Variants in WFDC10B observed in about 807,000 individuals in gnomAD.
WFDC10B encodes WAP four-disulfide core domain 10B.
In WFDC10B, 1 loss-of-function variant was observed where a neutral mutation model predicts 2.7. That is an observed-to-expected ratio of 0.38 (90% CI 0.13 to 1.79). The LOEUF (loss-of-function observed/expected upper bound fraction) is 1.79. WFDC10B is among the 40% of genes most tolerant of loss of function. The pLI is 0.33. For synonymous variants in WFDC10B, 26 were observed against 32.2 expected, an observed-to-expected ratio of 0.81 and a Z score of 0.65; for missense variants, 71 against 87.8, an observed-to-expected ratio of 0.81 and a Z score of 0.76.
intron 2 of WFDC10B, among the ~76,000 whole-genome samples, chr20:45,704,095 GAACATACA>G (rs1363056909): frequency 1.3e-5 from 2 of 152,154 alleles, no homozygotes; most frequent in East Asian, 3.8e-4. Flanking sequence ...AGTGCAGAAC[GAACATACA>G]AACCTCTTTC....
intron 2 of WFDC10B, among the ~76,000 whole-genome samples, chr20:45,686,399 T>C (rs554746776): frequency 6.6e-6 from 1 of 152,384 alleles, no homozygotes; most frequent in African/African-American, 2.4e-5. Flanking sequence ...TTAGTTCCTC[T>C]GTATATTTAA....
intron 2 of WFDC10B, among the ~76,000 whole-genome samples, chr20:45,691,281 G>C (rs1312469490): frequency 6.6e-6 from 1 of 152,162 alleles, no homozygotes; most frequent in Non-Finnish European, 1.5e-5. Context: ...TGGAATAGGT[G>C]TGTTGTGGTG....
chr20:45,688,435 C>T (rs914465507), intron 2 of WFDC10B, among the ~76,000 whole-genome samples: 7 of 151,802 alleles, frequency 4.6e-5, no homozygotes, highest in Non-Finnish European at 1.5e-5. Context: ...TTCTAGATCC[C>T]TGAGGAATCG....
chr20:45,703,304 G>A (rs557845977), intron 2 of WFDC10B, among the ~76,000 whole-genome samples: 1 of 152,130 alleles, frequency 6.6e-6, no homozygotes, highest in African/African-American at 2.4e-5. Flanking sequence ...GAGAGGCCAG[G>A]GGTGAGTACT....
chr20:45,689,466 G>T (rs1400220099), intron 2 of WFDC10B, among the ~76,000 whole-genome samples: 1 of 151,924 alleles, frequency 6.6e-6, no homozygotes, highest in African/African-American at 2.4e-5. Flanking sequence ...ATTCTTCCTA[G>T]CCATGAGCAT....
chr20:45,704,692 T>G, intron 1 of WFDC10B, 131 bp from the exon 2 acceptor site: 1 of 1,512,776 alleles, frequency 6.6e-7, no homozygotes, highest in Non-Finnish European at 8.8e-7. Flanking sequence ...CTCTCCTTTT[T>G]TTTTTTTTTC....
chr20:45,685,164 C>T (rs1254597337), intron 3 of WFDC10B, among the ~76,000 whole-genome samples: 3 of 152,120 alleles, frequency 2.0e-5, no homozygotes, highest in Admixed American at 6.5e-5. Context: ...CTGCATCTCA[C>T]CCCAGTAGAC....
chr20:45,696,603 T>C, intron 2 of WFDC10B, among the ~76,000 whole-genome samples: 1 of 147,752 alleles, frequency 6.8e-6, no homozygotes, highest in South Asian at 2.1e-4. Flanking sequence ...AAAAAAATTA[T>C]AAGAGAATAC....
intron 2 of WFDC10B, 23 bp from the exon 3 acceptor site, chr20:45,686,079 A>G: frequency 1.9e-6 from 3 of 1,540,182 alleles, no homozygotes; most frequent in Non-Finnish European, 2.6e-6. Flanking sequence ...AAGGAAATAA[A>G]GAAGGAATGA....
Position 45,698,695 on chromosome 20 carries a change from G to A in WFDC10B, c.-65+5802C>T, listed in dbSNP as rs554535507. 2.6e-5 allele frequency among the ~76,000 whole-genome samples: 4 copies of A among 152,126 alleles called. No individual in the cohort carries two copies. The South Asian group carries it at 8.3e-4, about 32-fold the overall frequency. On this transcript the variant is annotated intron_variant, in intron 2 of 3. Coordinates refer to ENST00000330523, the MANE Select transcript of WFDC10B (RefSeq NM_172006.2). ...AATATGCTCAATATCGGCTGGGCAC[G>A]GTGGCTCATGCCTGTAATCCCAGCA...
chr20:45,691,305 T>TA (rs1186814607), intron 2 of WFDC10B, among the ~76,000 whole-genome samples: 7 of 152,176 alleles, frequency 4.6e-5, no homozygotes, highest in Admixed American at 4.6e-4. Context: ...AAAAAAAATG[T>TA]ATATTCTGTT....
At chr20:45,693,547 C>G (rs948165710) in intron 2 of WFDC10B, among the ~76,000 whole-genome samples, 2 of 152,154 alleles carry the variant, frequency 1.3e-5, no homozygotes, top group Admixed American at 6.5e-5. Flanking sequence ...CGCCCCTCCC[C>G]CAGCCTTGCT....
chr20:45,702,097 A>G, intron 2 of WFDC10B: 1 of 1,607,064 alleles, frequency 6.2e-7, no homozygotes, highest in South Asian at 1.1e-5. Context: ...CCTTGGCCAG[A>G]ACTTACTCAC....
At chr20:45,693,496 C>T (rs746720164) in intron 2 of WFDC10B, among the ~76,000 whole-genome samples, 4 of 152,212 alleles carry the variant, frequency 2.6e-5, no homozygotes, top group South Asian at 4.1e-4. Context: ...TGGAGCTTCC[C>T]GGCTGCTTTG....
intron 2 of WFDC10B, among the ~76,000 whole-genome samples, chr20:45,700,135 A>G (rs1984106903): frequency 6.6e-6 from 1 of 152,236 alleles, no homozygotes. Context: ...GAGACTGGCT[A>G]TATGACTAAG....
Position 45,699,716 on chromosome 20 carries a change from T to A in WFDC10B, c.-65+4781A>T, listed in dbSNP as rs1325104062. Among the ~76,000 whole-genome samples, 5 of 152,360 alleles carry A rather than the reference T, an allele frequency of 3.3e-5. 1 individual carries two copies. Among genetic ancestry groups the A allele is most frequent in the East Asian group, 3.9e-4 (2 of 5,190 alleles). The stretch of plus-strand genomic sequence containing the variant: ...TCTTTTGAGACAAAGTCTAGCTCTG[T>A]CACCCAGGCTGGAGTGCAGTGGCTT... On this transcript the variant is annotated intron_variant, in intron 2 of 3. Coordinates refer to ENST00000330523, the MANE Select transcript of WFDC10B (RefSeq NM_172006.2).
At position 45,684,817 on chromosome 20, in the gene WFDC10B, C is replaced by T. The variant is rs778492957; in HGVS notation, c.*13G>A. The T allele has an allele frequency of 5.0e-6, 8 of 1,612,866 alleles. No homozygotes were observed. Among genetic ancestry groups the T allele is most frequent in the Non-Finnish European group, 5.1e-6 (6 of 1,179,378 alleles). On this transcript the variant is annotated 3_prime_UTR_variant, in exon 4 of 4. Coordinates refer to ENST00000330523, the MANE Select transcript of WFDC10B (RefSeq NM_172006.2). ...TCAGGGAGCAGGATGCACATCCCAG[C>T]CCACTCTCCCACTCATAGGATGCTC...
Position 45,684,748 on chromosome 20 carries a change from T to A in WFDC10B, c.*82A>T. 3 of 1,552,790 alleles carry A rather than the reference T, an allele frequency of 1.9e-6. No individual in the cohort carries two copies. Among genetic ancestry groups the A allele is most frequent in the Non-Finnish European group, 2.6e-6 (3 of 1,143,068 alleles). On this transcript the variant is annotated 3_prime_UTR_variant, in exon 4 of 4. Transcript: ENST00000330523. ...TGATGTTCTTGTGCTGATGATTTGA[T>A]GTCCTTGTGCTTCGGATGTGGGCAC...
chr20:45,693,877 C>T (rs1293300294), intron 2 of WFDC10B, among the ~76,000 whole-genome samples: 1 of 152,208 alleles, frequency 6.6e-6, no homozygotes, highest in Non-Finnish European at 1.5e-5. Flanking sequence ...TGAGATGAAC[C>T]CGGTACCTCA....
Sources: gnomAD v4.1 joint callset for allele counts (sites outside exome capture counted in the v4.1 genomes callset) on GRCh38, gnomAD v4.1.1 for gene constraint, MANE v1.5 for transcripts, NCBI Gene and HGNC (gene_info 2026-07-23, HGNC 2026-07-21) for gene names.